PPIE: variants seen among roughly 807,000 people sequenced by gnomAD.
The protein encoded by PPIE is peptidyl-prolyl cis-trans isomerase E.
Under a neutral mutation model 38.4 loss-of-function variants are expected in PPIE, and 20 were observed. The observed-to-expected ratio is 0.52, with a 90% CI of 0.37 to 0.76. PPIE has a LOEUF of 0.76. Ranked by LOEUF, PPIE falls within the 30% of genes least tolerant of loss-of-function variation. PPIE has a pLI of 0.00. For synonymous variants in PPIE, 142 were observed against 135.7 expected (o/e 1.05, Z -0.32); for missense variants, 322 against 385.8 (o/e 0.83, Z 1.39).
intron 6 of PPIE, 31 bp from the exon 7 acceptor site, chr1:39,745,344 C>T: frequency 6.2e-7 from 1 of 1,613,612 alleles, no homozygotes; most frequent in Admixed American, 1.7e-5. Flanking sequence ...TCAGGGAGCT[C>T]TCTCTAACTA....
rs1648207387 is a variant in PPIE, at chr1:39,755,837, T to A, written c.*2482T>A. ...ACACTGGAACCCTGCACAGGTAAAC[T>A]GAGGCTTTATTGGCGTGACTGCCAA... On this transcript the variant is annotated 3_prime_UTR_variant, in exon 10 of 10. Transcript: ENST00000324379. 8 of 985,410 alleles carry A rather than the reference T, an allele frequency of 8.1e-6. No individual in the cohort carries two copies. Among genetic ancestry groups the A allele is most frequent in the Non-Finnish European group, 9.6e-6 (8 of 829,922 alleles). The allele number at this position is 985,410 out of a possible 1,614,324, so 61.0% of individuals were successfully genotyped here.
At chr1:39,756,812 G>A (rs970842876), downstream of PPIE, among the ~76,000 whole-genome samples, 2 of 152,140 alleles carry the variant, frequency 1.3e-5, no homozygotes, top group African/African-American at 4.8e-5. Flanking sequence ...GATTTGAATT[G>A]TATTTTATTT....
In PPIE at chr1:39,756,527, G is replaced by T; in HGVS notation, c.*3172G>T. 1.0e-6 allele frequency: 1 copy of T among 985,432 alleles called. No homozygotes were observed. Among genetic ancestry groups the T allele is most frequent in the Non-Finnish European group, 1.2e-6 (1 of 829,934 alleles). 61.0% of individuals were successfully genotyped at this position (985,432 alleles called of 1,614,324 possible). On this transcript the variant is annotated 3_prime_UTR_variant, in exon 10 of 10. Transcript: ENST00000324379. ...CCGCCTCCAGGTGCTCCCAGCATCT[G>T]TTGCAGTCATGGCAGCCTCACGGCA...
Position 39,755,674 on chromosome 1 carries a change from T to C in PPIE, c.*2319T>C. 1.0e-6 allele frequency: 1 copy of C among 985,402 alleles called. No individual in the cohort carries two copies. The highest frequency in any genetic ancestry group is 1.7e-5 in the African/African-American group (1 of 57,346). 61.0% of individuals were successfully genotyped at this position (985,402 alleles called of 1,614,324 possible). ...AAAGGACAGACTCCTGTGACAACCT[T>C]GTCACTCTGTTCCTCCCTGATACTC... is the stretch of plus-strand genomic sequence containing the variant. On this transcript the variant is annotated 3_prime_UTR_variant, in exon 10 of 10. Transcript: ENST00000324379.
rs761568811 is a variant in PPIE, at chr1:39,753,295, C to A, written c.846C>A (p.Gly282=). Residue 282 remains glycine (G), a synonymous_variant, in exon 10 of 10, where the codon GGC becomes GGA. Transcript: ENST00000324379. The stretch of plus-strand genomic sequence containing the variant: ...TCTATTCTGCCACAAAGGCCCAGGG[C>A]AGCAAGGACGGGAAGCCAAAGCAGA... ...LDVLRQIEAQ[G]SKDGKPKQKV... 5.0e-6 allele frequency: 8 copies of A among 1,614,042 alleles called. No homozygotes were observed. Among genetic ancestry groups the A allele is most frequent in the African/African-American group, 4.0e-5 (3 of 74,936 alleles).
rs1002161093 is a variant in PPIE, at chr1:39,753,941, A to G, written c.*586A>G. On this transcript the variant is annotated 3_prime_UTR_variant, in exon 10 of 10. Coordinates refer to ENST00000324379, the MANE Select transcript of PPIE (RefSeq NM_006112.4). ...TTCTGCTGCCTCTGCTCCTAAACCCAGCTGCCGGCCTTACAGCCAGCAAGT... is the reference window on the plus strand; with the variant it reads ...TTCTGCTGCCTCTGCTCCTAAACCCGGCTGCCGGCCTTACAGCCAGCAAGT... The G allele has an allele frequency of 1.4e-5, 14 of 985,334 alleles. No homozygotes were observed. The highest frequency in any genetic ancestry group is 1.6e-5 in the Non-Finnish European group (13 of 829,954). 61.0% of individuals were successfully genotyped at this position (985,334 alleles called of 1,614,324 possible). A position where few individuals can be genotyped will look rare whatever the true frequency, so the allele number is the denominator to read the frequency against.
downstream of PPIE, among the ~76,000 whole-genome samples, chr1:39,761,000 C>G (rs1032049712): frequency 3.9e-5 from 6 of 152,070 alleles, no homozygotes; most frequent in Non-Finnish European, 7.4e-5. Context: ...CCTGGCCTCC[C>G]TCCCCAGTCT....
At chr1:39,740,327 C>G in intron 2 of PPIE, 64 bp downstream of exon 2, 2 of 1,332,764 alleles carry the variant, frequency 1.5e-6, no homozygotes, top group African/African-American at 1.5e-5. Flanking sequence ...AAATTAAAGT[C>G]ACATCACAAT....
downstream of PPIE, chr1:39,759,937 C>G (rs369337761): frequency 5.7e-6 from 1 of 174,616 alleles, no homozygotes; most frequent in African/African-American, 2.4e-5. Context: ...TATACCCCAC[C>G]TTGCACCTCG....
In PPIE at chr1:39,743,828, G is replaced by A. The variant is rs1450886446; in HGVS notation, c.288G>A (p.Trp96Ter). 2.5e-6 allele frequency: 4 copies of A among 1,612,194 alleles called. No homozygotes were observed. Among genetic ancestry groups the A allele is most frequent in the African/African-American group, 1.3e-5 (1 of 74,848 alleles). The change falls in exon 6 of 10, where the codon TGG becomes TGA. Residue 96 changes from tryptophan (W) to a stop codon, truncating the protein, a stop_gained. Coordinates refer to ENST00000324379, the MANE Select transcript of PPIE (RefSeq NM_006112.4). LOFTEE classifies it high-confidence loss of function. ...RIKEGSSRPV[W>*]SDDDWLKKFS... is the part of the protein sequence containing the mutation. ...TGTTTGATTCTTTCCTTTCAGTTTGGTCAGATGATGACTGGTTGAAGAAGT... is the reference window on the plus strand; with the variant it reads ...TGTTTGATTCTTTCCTTTCAGTTTGATCAGATGATGACTGGTTGAAGAAGT...
chr1:39,742,684 T>TG (rs2124302731), intron 4 of PPIE: 1 of 152,532 alleles, frequency 6.6e-6, no homozygotes, highest in Non-Finnish European at 1.5e-5. Context: ...GTAAGAAACT[T>TG]GTTTTTATTA....
At chr1:39,760,153 C>G (rs1648737215), downstream of PPIE, 6 of 557,992 alleles carry the variant, frequency 1.1e-5, no homozygotes, top group South Asian at 1.3e-4. Flanking sequence ...CAGGACATGC[C>G]TCCGGGAGAG....
chr1:39,755,606 A>G lies in PPIE; in HGVS notation c.*2251A>G. 5 of 985,370 alleles carry G rather than the reference A, an allele frequency of 5.1e-6. No individual in the cohort carries two copies. The highest frequency in any genetic ancestry group is 4.8e-6 in the Non-Finnish European group (4 of 829,908). The allele number at this position is 985,370 out of a possible 1,614,324, so 61.0% of individuals were successfully genotyped here. A position where few individuals can be genotyped will look rare whatever the true frequency, so the allele number is the denominator to read the frequency against. The stretch of plus-strand genomic sequence containing the variant: ...CACTGACTTCAGTGCTTGGACGAGA[A>G]CCAGGAGAGAGTGTGTAGAAAAAGC... On this transcript the variant is annotated 3_prime_UTR_variant, in exon 10 of 10. Coordinates refer to ENST00000324379, the MANE Select transcript of PPIE (RefSeq NM_006112.4).
chr1:39,761,029 G>C (rs560457608), downstream of PPIE, among the ~76,000 whole-genome samples: 274 of 152,022 alleles, frequency 1.8e-3, 1 homozygote, highest in Non-Finnish European at 3.1e-3. Context: ...CCAGGCCTCC[G>C]CCCCTCTCCT....
rs569662536 is a variant in PPIE at position 39,744,384 on chromosome 1, G to T, written c.384+460G>T. 2.0e-5 allele frequency among the ~76,000 whole-genome samples: 3 copies of T among 152,300 alleles called. No individual in the cohort carries two copies. The South Asian group carries it at 6.2e-4, about 32-fold the overall frequency. ...GGTTCAGGGTTCTCCAGTCCTACGG[G>T]AACCTGCTGGGGCACTTCCCCCTGA... is the stretch of plus-strand genomic sequence containing the variant. On this transcript the variant is annotated intron_variant, in intron 6 of 9. Transcript: ENST00000324379.
intron 9 of PPIE, among the ~76,000 whole-genome samples, chr1:39,762,074 C>T (rs1649072485): frequency 6.6e-6 from 1 of 152,224 alleles, no homozygotes; most frequent in Non-Finnish European, 1.5e-5. Flanking sequence ...CCCCACGCGT[C>T]CTCATCATCC....
chr1:39,760,581 A>G (rs766629276), downstream of PPIE: 10 of 1,612,396 alleles, frequency 6.2e-6, no homozygotes, highest in East Asian at 2.0e-4. Context: ...GGCCAGGAAG[A>G]GGGCACAGGC....
rs377691729 is a variant in PPIE at position 39,762,000 on chromosome 1, C to T, written c.838-1689C>T. Among the ~76,000 whole-genome samples, 100 of 152,318 alleles carry T rather than the reference C, an allele frequency of 6.6e-4. 1 individual carries two copies. The South Asian group carries it at 0.013, about 21-fold the overall frequency. ...GGAGCTGCAGATGCAGTCACCTTCC[C>T]GCGTGCCTCCCACACATGCAGCCAT... is the stretch of plus-strand genomic sequence containing the variant. On this transcript the variant is annotated intron_variant, in intron 9 of 9. Transcript: ENST00000356511.
rs146750604 is a variant in PPIE at position 39,763,767 on chromosome 1, C to T, written c.*25C>T. The T allele has an allele frequency of 1.7e-4, 277 of 1,603,380 alleles. 5 individuals are homozygous for T. Among genetic ancestry groups the T allele is most frequent in the African/African-American group, 7.5e-4 (55 of 73,112 alleles). ...GAGCTCGTGCCGACGGCAGACCTGC[C>T]GGCCGTGGGAGCCGTGGACGTCATC... On this transcript the variant is annotated 3_prime_UTR_variant, in exon 10 of 10. Transcript: ENST00000356511.
Sources: gnomAD v4.1 joint callset for allele counts (sites outside exome capture counted in the v4.1 genomes callset) on GRCh38, gnomAD v4.1.1 for gene constraint, MANE v1.5 for transcripts, NCBI Gene and HGNC (gene_info 2026-07-23, HGNC 2026-07-21) for gene names.